Variants in IGSF11 observed in about 807,000 individuals in gnomAD.
IGSF11 encodes the protein CXADR like 1.
A neutral mutation model predicts 41.0 loss-of-function variants in IGSF11; 22 were observed. The observed-to-expected ratio is 0.54, with a 90% CI of 0.38 to 0.77. The LOEUF (loss-of-function observed/expected upper bound fraction) is 0.77. IGSF11 is among the 30% of genes least tolerant of loss of function. The pLI is 0.00. For missense variants in IGSF11, 444 were observed against 530.8 expected, an observed-to-expected ratio of 0.84 and a Z score of 1.61; for synonymous variants, 219 against 201.3, an observed-to-expected ratio of 1.09 and a Z score of -0.74.
At chr3:118,965,483 C>T (rs1945603881) in intron 1 of IGSF11, among the ~76,000 whole-genome samples, 1 of 149,224 alleles carries the variant, frequency 6.7e-6, no homozygotes, top group South Asian at 2.1e-4. Context: ...TTTTTTGGCT[C>T]GAAAATGAAT....
intron 1 of IGSF11, among the ~76,000 whole-genome samples, chr3:119,113,472 C>T (rs957952711): frequency 6.6e-6 from 1 of 152,216 alleles, no homozygotes; most frequent in African/African-American, 2.4e-5. Flanking sequence ...CAGGATGACA[C>T]TCATTAAATC....
At chr3:119,052,497 G>A (rs1177526410) in intron 1 of IGSF11, among the ~76,000 whole-genome samples, 1 of 149,944 alleles carries the variant, frequency 6.7e-6, no homozygotes, top group Non-Finnish European at 1.5e-5. Flanking sequence ...GAGGGAGGGA[G>A]GGATTTAAAA....
intron 1 of IGSF11, among the ~76,000 whole-genome samples, chr3:118,984,093 T>C (rs1935014137): frequency 6.6e-6 from 1 of 152,030 alleles, no homozygotes; most frequent in Admixed American, 6.5e-5. Context: ...TCTTCTAGTC[T>C]ATAAAATCTT....
chr3:118,941,969 G>A (rs1292683814), intron 1 of IGSF11, among the ~76,000 whole-genome samples: 3 of 152,076 alleles, frequency 2.0e-5, no homozygotes, highest in African/African-American at 7.2e-5. Flanking sequence ...GCTGGAGCTG[G>A]GACTGAGGGT....
rs138497507 is a variant in IGSF11, at chr3:119,123,887, G to A, written c.-13-18682C>T. Among the ~76,000 whole-genome samples the A allele has an allele frequency of 5.1e-4, 77 of 152,292 alleles. 1 individual carries two copies. The East Asian group carries it at 0.014, about 27-fold the overall frequency. On this transcript the variant is annotated intron_variant, in intron 1 of 7. Coordinates refer to the IGSF11 transcript ENST00000425327. ...TTACAGGGAAAACCTTTCTGAAAAG[G>A]ATGGGTACAAATAAGCCCAGACTGT...
chr3:119,005,066 T>TA (rs1293233386), intron 1 of IGSF11, among the ~76,000 whole-genome samples: 2 of 148,744 alleles, frequency 1.3e-5, no homozygotes, highest in Admixed American at 6.7e-5. Flanking sequence ...AGTGGGGTGT[T>TA]AAAGTCTCCC....
chr3:119,125,615 G>A lies in IGSF11; in HGVS notation c.-14+20198C>T, dbSNP rs117278198. On this transcript the variant is annotated intron_variant, in intron 1 of 7. Coordinates refer to the IGSF11 transcript ENST00000425327. Reference sequence around the variant, plus strand: ...ACAAAGTACATTATCACAAGGGCGGGGGAATGTCACGATGGCCTGACCATG... The same window carrying A: ...ACAAAGTACATTATCACAAGGGCGGAGGAATGTCACGATGGCCTGACCATG... Among the ~76,000 whole-genome samples the A allele has an allele frequency of 6.4e-4, 97 of 152,270 alleles. 2 individuals carry two copies. In the East Asian group the frequency reaches 0.019, roughly 29 times the overall value.
intron 1 of IGSF11, among the ~76,000 whole-genome samples, chr3:118,997,200 G>C (rs942733380): frequency 6.6e-6 from 1 of 152,218 alleles, no homozygotes; most frequent in African/African-American, 2.4e-5. Context: ...AACAGTAGTA[G>C]AAGCCTGAAT....
At chr3:119,003,952 T>C (rs1178231667) in intron 1 of IGSF11, among the ~76,000 whole-genome samples, 1 of 151,242 alleles carries the variant, frequency 6.6e-6, no homozygotes, top group Admixed American at 6.6e-5. Context: ...TGCCCGGCTT[T>C]GGTATCAGAA....
At chr3:119,042,595 C>G (rs1232949132) in intron 1 of IGSF11, among the ~76,000 whole-genome samples, 1 of 152,286 alleles carries the variant, frequency 6.6e-6, no homozygotes, top group African/African-American at 2.4e-5. Context: ...CCTCCTACCC[C>G]CCACAGTGGT....
chr3:118,922,503 A>G lies in IGSF11; in HGVS notation c.580+3598T>C, dbSNP rs114644947. On this transcript the variant is annotated intron_variant, in intron 4 of 6. Coordinates refer to ENST00000393775, the MANE Select transcript of IGSF11 (RefSeq NM_001015887.3). ...CAGTAATGCTAAATATAGGCACCAT[A>G]GTGTACATTAGATCTCCAGGATTTA... Among the ~76,000 whole-genome samples, 1,287 of 152,104 alleles carry G rather than the reference A, an allele frequency of 8.5e-3. 24 individuals are homozygous for G. Among genetic ancestry groups the G allele is most frequent in the African/African-American group, 0.03 (1,232 of 41,508 alleles).
At chr3:119,087,390 A>ACG (rs1364315036) in intron 1 of IGSF11, among the ~76,000 whole-genome samples, 1 of 149,950 alleles carries the variant, frequency 6.7e-6, no homozygotes, top group Non-Finnish European at 1.5e-5. Flanking sequence ...ACACACACAC[A>ACG]CACACACACA....
chr3:119,138,074 A>T (rs2077586566), intron 1 of IGSF11, among the ~76,000 whole-genome samples: 1 of 151,560 alleles, frequency 6.6e-6, no homozygotes, highest in Non-Finnish European at 1.5e-5. Flanking sequence ...GCTGGTGAGG[A>T]TGTGAAGAGA....
intron 1 of IGSF11, among the ~76,000 whole-genome samples, chr3:119,073,545 C>T (rs1219437448): frequency 6.6e-6 from 1 of 152,202 alleles, no homozygotes; most frequent in Non-Finnish European, 1.5e-5. Flanking sequence ...CGATCCCTGC[C>T]CTGCGGGAAG....
At chr3:119,031,975 TTTAG>T (rs756537388) in intron 1 of IGSF11, among the ~76,000 whole-genome samples, 2 of 152,240 alleles carry the variant, frequency 1.3e-5, no homozygotes, top group Non-Finnish European at 2.9e-5. Context: ...TGAGAAACAC[TTTAG>T]TTATATCTAA....
At chr3:118,933,698 T>G (rs1943041897) in intron 1 of IGSF11, among the ~76,000 whole-genome samples, 2 of 152,088 alleles carry the variant, frequency 1.3e-5, no homozygotes, top group Non-Finnish European at 2.9e-5. Context: ...TACACATAAC[T>G]CAACACACAG....
intron 4 of IGSF11, among the ~76,000 whole-genome samples, chr3:118,924,633 C>A (rs1942128379): frequency 6.6e-6 from 1 of 151,932 alleles, no homozygotes; most frequent in Non-Finnish European, 1.5e-5. Context: ...GATATGATAT[C>A]AAGAAATCTG....
intron 1 of IGSF11, chr3:118,948,471 T>C (rs1263963322): frequency 6.6e-6 from 1 of 152,156 alleles, no homozygotes; most frequent in African/African-American, 2.4e-5. Context: ...ACAGAATCCT[T>C]AACTTGACCA....
intron 1 of IGSF11, among the ~76,000 whole-genome samples, chr3:118,937,632 C>A (rs1388442168): frequency 6.6e-6 from 1 of 152,122 alleles, no homozygotes; most frequent in African/African-American, 2.4e-5. Flanking sequence ...ACATATTGGT[C>A]ATCTACATTA....
Sources: gnomAD v4.1 joint callset for allele counts (sites outside exome capture counted in the v4.1 genomes callset) on GRCh38, gnomAD v4.1.1 for gene constraint, MANE v1.5 for transcripts, NCBI Gene and HGNC (gene_info 2026-07-23, HGNC 2026-07-21) for gene names.